Variants in CDH17 observed in about 807,000 individuals in gnomAD.
The protein encoded by CDH17 is cadherin 17.
In CDH17, 67 loss-of-function variants were observed where a neutral mutation model predicts 86.3. The ratio of observed to expected loss-of-function variants is 0.78; its 90% CI spans 0.64 to 0.95. The LOEUF (loss-of-function observed/expected upper bound fraction) is 0.95, where lower values mean the gene tolerates loss of function less well. CDH17 is among the 40% of genes least tolerant of loss of function. The pLI is 0.00. For synonymous variants in CDH17, 367 were observed against 366.4 expected (o/e 1.00, Z -0.02); for missense variants, 993 against 1,017.6 (o/e 0.98, Z 0.33).
At chr8:94,168,927 C>A (rs1303395440) in intron 9 of CDH17, among the ~76,000 whole-genome samples, 1 of 152,094 alleles carries the variant, frequency 6.6e-6, no homozygotes, top group Non-Finnish European at 1.5e-5. Context: ...TCCTGCTCTG[C>A]CGTACTCTTT....
At chr8:94,144,198 A>T (rs1812690725) in intron 15 of CDH17, among the ~76,000 whole-genome samples, 1 of 152,194 alleles carries the variant, frequency 6.6e-6, no homozygotes, top group African/African-American at 2.4e-5. Flanking sequence ...AGAGAGAGAC[A>T]TGGGGAAACA....
rs1461083671 is a variant in CDH17, at chr8:94,200,240, G to A, written c.-20-5535C>T. 3.9e-5 allele frequency among the ~76,000 whole-genome samples: 6 copies of A among 152,252 alleles called. No homozygotes were observed. In the South Asian group the frequency reaches 1.0e-3, roughly 26 times the overall value. ...GTGTGGGGTACCCTGGGTCGCAATG[G>A]TGCTGATGGGAAGCCATCCTTCATC... On this transcript the variant is annotated intron_variant, in intron 1 of 17. Coordinates refer to ENST00000027335, the MANE Select transcript of CDH17 (RefSeq NM_004063.4).
At chr8:94,192,900 A>G (rs944770943) in intron 2 of CDH17, among the ~76,000 whole-genome samples, 8 of 152,228 alleles carry the variant, frequency 5.3e-5, no homozygotes, top group Admixed American at 2.0e-4. Flanking sequence ...ATCTACTCGC[A>G]GTCTGGAGTA....
chr8:94,162,193 T>G (rs1268729343), intron 10 of CDH17, 31 bp from the exon 11 acceptor site: 2 of 1,419,200 alleles, frequency 1.4e-6, no homozygotes, highest in Admixed American at 1.7e-5. Flanking sequence ...TCATAGAAAT[T>G]TTCACTGAAA....
chr8:94,140,102 G>C (rs1812608999), intron 15 of CDH17, among the ~76,000 whole-genome samples: 2 of 151,916 alleles, frequency 1.3e-5, no homozygotes, highest in African/African-American at 4.8e-5. Context: ...AATCACAAAA[G>C]AAATCTAAAG....
chr8:94,162,099 A>G lies in CDH17; in HGVS notation c.1346T>C (p.Phe449Ser). 6.3e-7 allele frequency: 1 copy of G among 1,593,558 alleles called. No homozygotes were observed. Among genetic ancestry groups the G allele is most frequent in the Non-Finnish European group, 8.6e-7 (1 of 1,161,520 alleles). The change falls in exon 11 of 18, where the codon TTT (phenylalanine) becomes TCT (serine). Residue 449 changes from phenylalanine to serine, a missense_variant. Transcript: ENST00000027335. ...ACAACTACTCACATCTGATTTTTCA[A>G]AGATGGGGATCTGATCATTGATATC... ...VIDINDQIPI[F>S]EKSDYGNLTL...
intron 12 of CDH17, among the ~76,000 whole-genome samples, chr8:94,157,562 G>T (rs1052772130): frequency 1.3e-5 from 2 of 152,154 alleles, no homozygotes; most frequent in African/African-American, 4.8e-5. Flanking sequence ...TAGAAAGTTT[G>T]TTAATTAGCA....
chr8:94,130,872 C>G lies in CDH17; in HGVS notation c.2284+4G>C, dbSNP rs1812399265. The G allele has an allele frequency of 6.3e-7, 1 of 1,587,906 alleles. No homozygotes were observed. The highest frequency in any genetic ancestry group is 8.7e-7 in the Non-Finnish European group (1 of 1,156,060). On this transcript the variant is annotated splice_donor_region_variant and intron_variant, in intron 16 of 17. Coordinates refer to ENST00000027335, the MANE Select transcript of CDH17 (RefSeq NM_004063.4). ...GCCTGAGTTGCCTATAGCAGAATAT[C>G]TACCTGGTAAAGAAACAATGCCTTC...
rs968857433 is a variant in CDH17 at position 94,151,931 on chromosome 8, T to A, written c.1733A>T (p.Asp578Val). Residue 578 changes from aspartate to valine, a missense_variant, in exon 13 of 18, where the codon GAT becomes GTT. By Grantham distance (152) the Asp-to-Val change is radical. Coordinates refer to ENST00000027335, the MANE Select transcript of CDH17 (RefSeq NM_004063.4). ...QHVFQAKVSE[D>V]VAIGTKVGNV... ...GCCCACTTTAGTGCCTATAGCTACA[T>A]CCTCACTGACTTTCGCTTGGAATAC... 1 of 1,614,062 alleles carries A rather than the reference T, an allele frequency of 6.2e-7. No individual in the cohort carries two copies. The highest frequency in any genetic ancestry group is 8.5e-7 in the Non-Finnish European group (1 of 1,180,028).
chr8:94,185,314 C>CA lies in CDH17; in HGVS notation c.150+3872_150+3873insT, dbSNP rs1436825008. 8.7e-5 allele frequency among the ~76,000 whole-genome samples: 13 copies of CA among 148,694 alleles called. No homozygotes were observed. In the South Asian group the frequency reaches 1.9e-3, roughly 22 times the overall value. On this transcript the variant is annotated intron_variant, in intron 3 of 17. Coordinates refer to ENST00000027335, the MANE Select transcript of CDH17 (RefSeq NM_004063.4). The stretch of plus-strand genomic sequence containing the variant: ...ACACACACACACACACACACACACA[C>CA]CCCTGTAAAGAAGAAACATTCAACC...
chr8:94,129,379 T>C (rs771653647), intron 17 of CDH17, among the ~76,000 whole-genome samples: 9 of 152,068 alleles, frequency 5.9e-5, no homozygotes, highest in Non-Finnish European at 1.0e-4. Context: ...ATGCACACAT[T>C]AGGATGGGAA....
chr8:94,163,084 G>A (rs1813087572), intron 10 of CDH17, among the ~76,000 whole-genome samples: 1 of 152,228 alleles, frequency 6.6e-6, no homozygotes, highest in South Asian at 2.1e-4. Flanking sequence ...TAATACAGTT[G>A]TTAGCGGCCT....
At chr8:94,201,050 C>T (rs985159970) in intron 1 of CDH17, among the ~76,000 whole-genome samples, 2 of 152,132 alleles carry the variant, frequency 1.3e-5, no homozygotes, top group African/African-American at 4.8e-5. Context: ...TGATGAGACA[C>T]CAAGTATCAT....
intron 4 of CDH17, 97 bp downstream of exon 4, chr8:94,177,490 G>A (rs1356843745): frequency 4.8e-5 from 62 of 1,281,712 alleles, no homozygotes; most frequent in Non-Finnish European, 6.7e-5. Flanking sequence ...AGCTGTAACT[G>A]GATTCTGTGC....
At chr8:94,194,757 T>C (rs1376222069) in intron 1 of CDH17, 52 bp from the exon 2 acceptor site, 11 of 936,330 alleles carry the variant, frequency 1.2e-5, no homozygotes, top group Non-Finnish European at 1.9e-5. Flanking sequence ...GTTAAAATCA[T>C]GTCTTTCCAA....
At chr8:94,186,509 T>C (rs1813583569) in intron 3 of CDH17, among the ~76,000 whole-genome samples, 1 of 152,216 alleles carries the variant, frequency 6.6e-6, no homozygotes, top group East Asian at 1.9e-4. Flanking sequence ...CCCCCAAGCG[T>C]CTTTTATAAG....
chr8:94,163,731 C>T (rs1813102532), intron 10 of CDH17, among the ~76,000 whole-genome samples: 1 of 152,228 alleles, frequency 6.6e-6, no homozygotes, highest in Non-Finnish European at 1.5e-5. Flanking sequence ...ATGCACTGGA[C>T]ATGATCCCAG....
In CDH17 at chr8:94,174,277, A is replaced by C; in HGVS notation, c.425-17T>G. On this transcript the variant is annotated splice_polypyrimidine_tract_variant and intron_variant, in intron 5 of 17. Transcript: ENST00000027335. ...AGGGCTTTCCTGTTTAACAAGACGT[A>C]CCCAGAAAAAAAAAAAAAAAGATAT... 1 of 1,527,932 alleles carries C rather than the reference A, an allele frequency of 6.5e-7. No homozygotes were observed. Among genetic ancestry groups the C allele is most frequent in the Non-Finnish European group, 8.7e-7 (1 of 1,143,014 alleles). 94.6% of individuals were successfully genotyped at this position (1,527,932 alleles called of 1,614,324 possible). A position where few individuals can be genotyped will look rare whatever the true frequency, so the allele number is the denominator to read the frequency against.
intron 1 of CDH17, among the ~76,000 whole-genome samples, chr8:94,201,636 A>C (rs989571689): frequency 6.6e-6 from 1 of 152,200 alleles, no homozygotes; most frequent in Admixed American, 6.5e-5. Flanking sequence ...GATGGTAAAT[A>C]TCTGCTGTTT....
Sources: allele counts gnomAD v4.1 joint callset (sites outside exome capture counted in the v4.1 genomes callset), GRCh38; gene constraint gnomAD v4.1.1; transcripts MANE v1.5; gene names NCBI Gene and HGNC (gene_info 2026-07-23, HGNC 2026-07-21).